ITGAD: variants seen among roughly 807,000 people sequenced by gnomAD.
The protein encoded by ITGAD is integrin alpha-D.
In ITGAD, 105 loss-of-function variants were observed where a neutral mutation model predicts 139.0. That is an observed-to-expected ratio of 0.76 (90% confidence interval 0.65 to 0.89). The LOEUF is 0.89. Ranked by LOEUF, ITGAD falls within the 40% of genes least tolerant of loss-of-function variation. ITGAD has a pLI of 0.00. For missense variants in ITGAD, 1,384 were observed against 1,487.3 expected (o/e 0.93, Z 1.14); for synonymous variants, 569 against 598.3 (o/e 0.95, Z 0.71).
rs138582754 is a variant in ITGAD, at chr16:31,403,581, C to G, written c.640C>G (p.Leu214Val). The change falls in exon 7 of 30, where the codon CTG becomes GTG. Residue 214 changes from leucine (L) to valine (V), a missense_variant. By Grantham distance (32) the Leu-to-Val change is conservative (BLOSUM62 1). Coordinates refer to ENST00000389202, the MANE Select transcript of ITGAD (RefSeq NM_005353.3). This position sits in a 1 kb window ranked among gnomAD's most constrained non-coding sequence, Gnocchi z 4.4. ...QFRTSPSQQS[L>V]VDPIVQLKGL... ...CCGGACCAGCCCGAGCCAGCAGAGC[C>G]TGGTGGATCCCATCGTCCAACTGAA... 1.7e-5 allele frequency: 27 copies of G among 1,614,096 alleles called. No homozygotes were observed. Among genetic ancestry groups the G allele is most frequent in the Non-Finnish European group, 2.3e-5 (27 of 1,180,052 alleles).
In ITGAD at chr16:31,416,568, A is replaced by G; in HGVS notation, c.2421A>G (p.Ala807=). The change falls in exon 20 of 30, where the codon GCA becomes GCG. Residue 807 remains alanine (A), a synonymous_variant. Transcript: ENST00000389202. ...ACGTGATTGTGACTGTGTGGAACGC[A>G]GGTGAGGATTCCTACGGAACCGTGG... ...ELNVIVTVWN[A]GEDSYGTVVS... 3.1e-6 allele frequency: 5 copies of G among 1,613,944 alleles called. No individual in the cohort carries two copies. Among genetic ancestry groups the G allele is most frequent in the Non-Finnish European group, 4.2e-6 (5 of 1,179,852 alleles).
At chr16:31,400,383 T>C (rs2081373879) in intron 5 of ITGAD, among the ~76,000 whole-genome samples, 2 of 152,154 alleles carry the variant, frequency 1.3e-5, no homozygotes, top group South Asian at 4.1e-4. Flanking sequence ...ACCACAGCCC[T>C]GTGGTGTGGG....
intron 10 of ITGAD, among the ~76,000 whole-genome samples, chr16:31,410,180 C>A (rs1203133936): frequency 1.3e-5 from 2 of 152,074 alleles, no homozygotes; most frequent in African/African-American, 4.8e-5. Flanking sequence ...CAGTGGTGAG[C>A]ACAGCGGGGG....
chr16:31,423,524 G>A, intron 25 of ITGAD, 47 bp from the exon 26 acceptor site: 1 of 1,604,882 alleles, frequency 6.2e-7, no homozygotes, highest in Non-Finnish European at 8.5e-7. Flanking sequence ...CCTCTTACCA[G>A]GGACATGTTG....
Position 31,418,134 on chromosome 16 carries a change from G to A in ITGAD, c.2559G>A (p.Glu853=). The A allele has an allele frequency of 1.2e-6, 2 of 1,614,066 alleles. No homozygotes were observed. Among genetic ancestry groups the A allele is most frequent in the Middle Eastern group, 1.6e-4 (1 of 6,062 alleles). Residue 853 remains glutamate (E), a synonymous_variant, in exon 21 of 30, where the codon GAG becomes GAA. Transcript: ENST00000389202. The stretch of plus-strand genomic sequence containing the variant: ...GTGAGACAGTGCCCACTGAGGATGA[G>A]GGCCTAAGAAGCAGCCGCTGCAGTG... ...LACETVPTED[E]GLRSSRCSVN...
chr16:31,423,013 C>T (rs2082036740), intron 23 of ITGAD, 101 bp from the exon 24 acceptor site: 1 of 914,326 alleles, frequency 1.1e-6, no homozygotes, highest in African/African-American at 1.6e-5. Context: ...TCGTTATTTC[C>T]CTGAGACATC....
At chr16:31,425,443 G>A (rs898878350) in intron 29 of ITGAD, among the ~76,000 whole-genome samples, 2 of 152,200 alleles carry the variant, frequency 1.3e-5, no homozygotes, top group African/African-American at 4.8e-5. Flanking sequence ...TGAGGCCAGG[G>A]CATGTGCACA....
intron 14 of ITGAD, among the ~76,000 whole-genome samples, chr16:31,412,632 C>T (rs2081758360): frequency 6.6e-6 from 1 of 152,174 alleles, no homozygotes; most frequent in East Asian, 1.9e-4. Context: ...CCAGGACACC[C>T]TTCCAATCTC....
Position 31,403,311 on chromosome 16 carries a change from CA to C in ITGAD, c.559-184del. ...CAACATAGTGAGACCTTGTCTCTAC[CA>C]AAAACAAAACAAAACAAAAAACAAA... is the stretch of plus-strand genomic sequence containing the variant. On this transcript the variant is annotated intron_variant, in intron 6 of 29. Coordinates refer to ENST00000389202, the MANE Select transcript of ITGAD (RefSeq NM_005353.3). This position sits in a 1 kb window ranked among gnomAD's most constrained non-coding sequence, Gnocchi z 4.4. 3.1e-6 allele frequency: 2 copies of C among 639,360 alleles called. No homozygotes were observed. The highest frequency in any genetic ancestry group is 5.2e-6 in the Non-Finnish European group (2 of 381,308). The allele number at this position is 639,360 out of a possible 1,614,324, so 39.6% of individuals were successfully genotyped here.
rs1246869519 is a variant in ITGAD at position 31,413,249 on chromosome 16, GT to G, written c.1996+4del. 1 of 1,613,896 alleles carries G rather than the reference GT, an allele frequency of 6.2e-7. No homozygotes were observed. Among genetic ancestry groups the G allele is most frequent in the Admixed American group, 1.7e-5 (1 of 59,974 alleles). The stretch of plus-strand genomic sequence containing the variant: ...GAAAAGCTCACTGGACCAGCTAGGT[GT>G]GTTTCCCCCATAAAGGGGGCCCAGG... On this transcript the variant is annotated splice_donor_region_variant and intron_variant, in intron 16 of 29. Coordinates refer to ENST00000389202, the MANE Select transcript of ITGAD (RefSeq NM_005353.3).
intron 14 of ITGAD, 64 bp downstream of exon 14, chr16:31,411,581 C>A: frequency 6.7e-7 from 1 of 1,494,346 alleles, no homozygotes. Flanking sequence ...TCACTGAACG[C>A]AGCCTCCTGT....
rs758200378 is a variant in ITGAD, at chr16:31,423,154, G to A, written c.2821G>A (p.Asp941Asn). ...CAAGTACTTCAACTTTGCAACCTCCGATGAGAAGAAAATGAAAGAGGCTGA... is the reference window on the plus strand; with the variant it reads ...CAAGTACTTCAACTTTGCAACCTCCAATGAGAAGAAAATGAAAGAGGCTGA... ...STKYFNFATS[D>N]EKKMKEAEHR... is the part of the protein sequence containing the mutation. The change falls in exon 24 of 30, where the codon GAT becomes AAT. Residue 941 changes from aspartate to asparagine, a missense_variant. Physicochemically the swap from Asp to Asn is conservative, Grantham distance 23. Coordinates refer to ENST00000389202, the MANE Select transcript of ITGAD (RefSeq NM_005353.3). 1.9e-6 allele frequency: 3 copies of A among 1,614,018 alleles called. No homozygotes were observed. The highest frequency in any genetic ancestry group is 1.3e-5 in the African/African-American group (1 of 74,912).
chr16:31,420,422 G>A (rs558692363), intron 23 of ITGAD, among the ~76,000 whole-genome samples: 1 of 151,912 alleles, frequency 6.6e-6, no homozygotes, highest in Admixed American at 6.6e-5. Context: ...TTTTTAGACG[G>A]AATCTCACTC....
At chr16:31,402,281 A>T in intron 6 of ITGAD, 36 bp downstream of exon 6, 1 of 237,638 alleles carries the variant, frequency 4.2e-6, no homozygotes, top group Non-Finnish European at 8.1e-6. Flanking sequence ...GGTTTGGGGG[A>T]CGGGGGAGGC....
chr16:31,417,946 CA>C (rs11286775), intron 20 of ITGAD, 128 bp from the exon 21 acceptor site: 664,164 of 711,490 alleles, frequency 0.93, 310,501 homozygotes, highest in African/African-American at 0.99. Flanking sequence ...AAATCCGTCT[CA>C]AAAAAAAACA....
chr16:31,421,068 C>T (rs750428161), intron 23 of ITGAD, among the ~76,000 whole-genome samples: 6 of 152,176 alleles, frequency 3.9e-5, no homozygotes, highest in Non-Finnish European at 7.3e-5. Flanking sequence ...GGTTTTCTTA[C>T]ACCATCTTAA....
At position 31,412,915 on chromosome 16, in the gene ITGAD, G is replaced by A. The variant is rs749052709; in HGVS notation, c.1785G>A (p.Gln595=). 8.1e-6 allele frequency: 13 copies of A among 1,613,592 alleles called. 1 individual carries two copies. The South Asian group carries it at 1.3e-4, about 16-fold the overall frequency. The change falls in exon 15 of 30, where the codon CAG becomes CAA. Residue 595 remains glutamine, a synonymous_variant. Transcript: ENST00000389202. ...QALSGGQDLT[Q]DGLMDLAVGA... is the part of the protein sequence containing the mutation. The stretch of plus-strand genomic sequence containing the variant: ...TGAGTGGGGGTCAGGACCTCACCCA[G>A]GATGGACTGATGGACCTGGCCGTGG...
Position 31,407,898 on chromosome 16 carries a change from A to G in ITGAD, c.991A>G (p.Lys331Glu). 2 of 1,596,282 alleles carry G rather than the reference A, an allele frequency of 1.3e-6. No individual in the cohort carries two copies. Among genetic ancestry groups the G allele is most frequent in the Non-Finnish European group, 1.7e-6 (2 of 1,165,424 alleles). ...CAGCATCCAGAAGCAGCTGCAGGAG[A>G]AGATCTATGCAGTTGAGGGTAAATG... ...LGSIQKQLQE[K>E]IYAVEGTQSR... The change falls in exon 9 of 30, where the codon AAG (lysine) becomes GAG (glutamate). Residue 331 changes from lysine (K) to glutamate (E), a missense_variant. Physicochemically the swap from Lys to Glu is moderately conservative, Grantham distance 56 (BLOSUM62 1). Transcript: ENST00000389202.
rs772182857 is a variant in ITGAD, at chr16:31,410,441, G to A, written c.1130G>A (p.Gly377Asp). ...GTGGGGAGCTTTAGCTGGTCTGGAGGTGCCTTCCTGTATCCCCCAAATATG... is the reference window on the plus strand; with the variant it reads ...GTGGGGAGCTTTAGCTGGTCTGGAGATGCCTTCCTGTATCCCCCAAATATG... ...GAVGSFSWSGGAFLYPPNMSP... is the reference protein window; with the variant it reads ...GAVGSFSWSGDAFLYPPNMSP... Residue 377 changes from glycine (G) to aspartate (D), a missense_variant, in exon 11 of 30, where the codon GGT (glycine) becomes GAT (aspartate). By Grantham distance (94) the Gly-to-Asp change is moderately conservative. Transcript: ENST00000389202. The A allele has an allele frequency of 1.9e-6, 3 of 1,613,896 alleles. No homozygotes were observed. The African/African-American group carries it at 4.0e-5, about 22-fold the overall frequency.
Sources: allele counts gnomAD v4.1 joint callset (sites outside exome capture counted in the v4.1 genomes callset), GRCh38; gene constraint gnomAD v4.1.1; non-coding constraint Gnocchi (gnomAD v3.1); transcripts MANE v1.5; gene names NCBI Gene and HGNC (gene_info 2026-07-23, HGNC 2026-07-21).